The following ZSCAN5A variants were observed in gnomAD, a reference collection of about 807,000 sequenced individuals.
The protein encoded by ZSCAN5A is zinc finger and SCAN domain containing 5A, also known as zinc finger and SCAN domain-containing protein 5A.
Under a neutral mutation model 23.7 loss-of-function variants are expected in ZSCAN5A, and 12 were observed. The observed-to-expected ratio is 0.51, with a 90% CI of 0.32 to 0.82. The LOEUF (loss-of-function observed/expected upper bound fraction) is 0.82, where lower values mean the gene tolerates loss of function less well. Ranked by LOEUF, ZSCAN5A falls within the 40% of genes least tolerant of loss-of-function variation. ZSCAN5A has a pLI of 0.03. For missense variants in ZSCAN5A, 597 were observed against 617.9 expected (o/e 0.97, Z 0.36); for synonymous variants, 257 against 239.9 (o/e 1.07, Z -0.66).
chr19:56,248,172 T>C (rs1019736834), intron 2 of ZSCAN5A, among the ~76,000 whole-genome samples: 2 of 152,096 alleles, frequency 1.3e-5, no homozygotes, highest in South Asian at 4.1e-4. Context: ...TTTTTTTTAG[T>C]ATCAGCTTGT....
intron 2 of ZSCAN5A, chr19:56,284,003 C>A: frequency 6.2e-6 from 1 of 161,622 alleles, no homozygotes; most frequent in Non-Finnish European, 1.3e-5. Context: ...CGTTCTGAGT[C>A]TTAGTCCCTG....
intron 2 of ZSCAN5A, among the ~76,000 whole-genome samples, chr19:56,231,046 T>C (rs1298148394): frequency 6.6e-6 from 1 of 152,104 alleles, no homozygotes. Flanking sequence ...ACCCAGTCTC[T>C]ACAAAAAAAC....
intron 2 of ZSCAN5A, among the ~76,000 whole-genome samples, chr19:56,324,473 A>T (rs1376864418): frequency 6.6e-6 from 1 of 152,152 alleles, no homozygotes; most frequent in Non-Finnish European, 1.5e-5. Context: ...TTTATCAGAA[A>T]GCCAAAAAAT....
intron 2 of ZSCAN5A, among the ~76,000 whole-genome samples, chr19:56,302,520 C>CCCTCCCTCTTCTTCCTCCCCGTT (rs1568725810): frequency 6.9e-5 from 2 of 29,172 alleles, no homozygotes; most frequent in Admixed American, 4.8e-4. Context: ...TTTCCTTCCT[C>CCCTCCCTCTTCTTCCTCCCCGTT]CCTCCCTCCC....
chr19:56,303,678 A>G (rs1329214249), intron 2 of ZSCAN5A, among the ~76,000 whole-genome samples: 3 of 152,142 alleles, frequency 2.0e-5, no homozygotes, highest in Non-Finnish European at 2.9e-5. Context: ...AAGGTCCTTG[A>G]GTCCCCAGGG....
chr19:56,245,257 G>A lies in ZSCAN5A; in HGVS notation c.-127-20084C>T, dbSNP rs758204848. ...ATTTTCTTGGCAAGGAATATCTTAT[G>A]CAGGAATCAGATGTCGAGATGGCTG... On this transcript the variant is annotated intron_variant, in intron 2 of 5. Coordinates refer to ENST00000683990, the MANE Select transcript of ZSCAN5A (RefSeq NM_001322064.3). 1.0e-5 allele frequency: 7 copies of A among 676,848 alleles called. No homozygotes were observed. In the South Asian group the frequency reaches 1.0e-4, roughly 10 times the overall value. The allele number at this position is 676,848 out of a possible 1,614,324, so 41.9% of individuals were successfully genotyped here.
At chr19:56,366,796 A>G (rs1179428023) in intron 1 of ZSCAN5A, among the ~76,000 whole-genome samples, 2 of 152,108 alleles carry the variant, frequency 1.3e-5, no homozygotes, top group Non-Finnish European at 2.9e-5. Flanking sequence ...AATGTGCCTA[A>G]GTTTATATAT....
intron 2 of ZSCAN5A, among the ~76,000 whole-genome samples, chr19:56,349,990 T>A (rs1380889184): frequency 6.6e-6 from 1 of 152,178 alleles, no homozygotes; most frequent in South Asian, 2.1e-4. Context: ...TAAATGAAAA[T>A]TATTTACTAT....
intron 2 of ZSCAN5A, chr19:56,343,521 A>G: frequency 2.5e-6 from 1 of 399,338 alleles, no homozygotes; most frequent in South Asian, 1.9e-5. Context: ...AAGCTGCTCT[A>G]AGTGTATTTT....
At chr19:56,322,752 A>G (rs1333171890) in intron 2 of ZSCAN5A, among the ~76,000 whole-genome samples, 1 of 152,080 alleles carries the variant, frequency 6.6e-6, no homozygotes, top group Non-Finnish European at 1.5e-5. Context: ...ATGAAGTACT[A>G]TTTGCATATA....
intron 2 of ZSCAN5A, among the ~76,000 whole-genome samples, chr19:56,264,273 C>G (rs2037319261): frequency 6.6e-6 from 1 of 152,170 alleles, no homozygotes; most frequent in Non-Finnish European, 1.5e-5. Context: ...GGATTACAGG[C>G]ATGAGCCAGC....
intron 2 of ZSCAN5A, among the ~76,000 whole-genome samples, chr19:56,231,996 C>CTTTCTTTTTTT (rs756356708): frequency 1.6e-5 from 2 of 124,986 alleles, no homozygotes; most frequent in African/African-American, 6.0e-5. Context: ...TTTTTCTTTT[C>CTTTCTTTTTTT]TTTTTTTTTG....
chr19:56,264,565 G>C (rs913375888), intron 2 of ZSCAN5A, among the ~76,000 whole-genome samples: 1 of 152,172 alleles, frequency 6.6e-6, no homozygotes, highest in Non-Finnish European at 1.5e-5. Context: ...TGGGAGACTG[G>C]ACTATGAAGT....
chr19:56,331,355 A>G (rs1163757623), intron 2 of ZSCAN5A, among the ~76,000 whole-genome samples: 1 of 152,168 alleles, frequency 6.6e-6, no homozygotes, highest in African/African-American at 2.4e-5. Flanking sequence ...GTAGCTTGAT[A>G]GGATTGGCGT....
At chr19:56,310,868 C>G (rs1258196448) in intron 2 of ZSCAN5A, among the ~76,000 whole-genome samples, 1 of 152,164 alleles carries the variant, frequency 6.6e-6, no homozygotes, top group Non-Finnish European at 1.5e-5. Context: ...AATAGATATG[C>G]AGGCTTGGGG....
At position 56,246,431 on chromosome 19, in the gene ZSCAN5A, T is replaced by C. The variant is rs543694812; in HGVS notation, c.-127-21258A>G. The stretch of plus-strand genomic sequence containing the variant: ...GTAGACAGGGAAGAAAACACGGGAC[T>C]TACATCCCCAGAGCCTCAGCTTCCA... On this transcript the variant is annotated intron_variant, in intron 2 of 5. Coordinates refer to ENST00000683990, the MANE Select transcript of ZSCAN5A (RefSeq NM_001322064.3). The C allele has an allele frequency of 1.2e-4, 68 of 568,942 alleles. No homozygotes were observed. The Middle Eastern group carries it at 1.5e-3, about 13-fold the overall frequency. The allele number at this position is 568,942 out of a possible 1,614,324, so 35.2% of individuals were successfully genotyped here. A position where few individuals can be genotyped will look rare whatever the true frequency, so the allele number is the denominator to read the frequency against.
intron 2 of ZSCAN5A, chr19:56,246,346 G>C (rs1389620480): frequency 2.1e-6 from 1 of 473,810 alleles, no homozygotes; most frequent in South Asian, 2.6e-5. Flanking sequence ...AGAGACTACT[G>C]TCATGAAAAG....
upstream of ZSCAN5A, chr19:56,315,447 G>T (rs932080582): frequency 7.9e-5 from 12 of 152,246 alleles, no homozygotes; most frequent in Non-Finnish European, 4.4e-5. Context: ...GGTGCCCTGG[G>T]AGATGAGGGC....
intron 2 of ZSCAN5A, among the ~76,000 whole-genome samples, chr19:56,330,326 T>G (rs1301107540): frequency 6.6e-6 from 1 of 152,194 alleles, no homozygotes; most frequent in African/African-American, 2.4e-5. Context: ...GTACAAAAAT[T>G]TATTTTCTTT....
Sources: allele counts gnomAD v4.1 joint callset (sites outside exome capture counted in the v4.1 genomes callset), GRCh38; gene constraint gnomAD v4.1.1; transcripts MANE v1.5; gene names NCBI Gene and HGNC (gene_info 2026-07-23, HGNC 2026-07-21).